Variants in GALNT13 observed in about 807,000 individuals in gnomAD.
The protein encoded by GALNT13 is polypeptide N-acetylgalactosaminyltransferase 13.
A neutral mutation model predicts 64.2 loss-of-function variants in GALNT13; 28 were observed. The observed-to-expected ratio is 0.44, with a 90% CI of 0.32 to 0.60. GALNT13 has a LOEUF of 0.60. GALNT13 is among the 20% of genes least tolerant of loss of function. GALNT13 has a pLI of 0.05. For synonymous variants in GALNT13, 214 were observed against 224.6 expected, an observed-to-expected ratio of 0.95 and a Z score of 0.42; for missense variants, 577 against 669.8, an observed-to-expected ratio of 0.86 and a Z score of 1.53.
At chr2:154,116,505 A>T (rs1262725871) in intron 3 of GALNT13, among the ~76,000 whole-genome samples, 1 of 152,202 alleles carries the variant, frequency 6.6e-6, no homozygotes, top group Non-Finnish European at 1.5e-5. Flanking sequence ...GCAATCCCTG[A>T]GTTCATAATT....
chr2:153,078,403 C>G, the GALNT13 span, among the ~76,000 whole-genome samples: 1 of 149,802 alleles, frequency 6.7e-6, no homozygotes, highest in Non-Finnish European at 1.5e-5. Flanking sequence ...CGTCTGCCTT[C>G]TGGGTTCAAG....
At chr2:153,070,460 A>G in the GALNT13 span, among the ~76,000 whole-genome samples, 284 of 152,322 alleles carry the variant, frequency 1.9e-3, 2 homozygotes, top group African/African-American at 6.2e-3. Context: ...AATGTAAAAT[A>G]TGGATTTTGG....
the GALNT13 span, among the ~76,000 whole-genome samples, chr2:153,678,692 A>G: frequency 6.6e-6 from 1 of 151,882 alleles, no homozygotes; most frequent in Non-Finnish European, 1.5e-5. Flanking sequence ...AAGGGGGGAA[A>G]AAAAGTAGGA....
intron 3 of GALNT13, among the ~76,000 whole-genome samples, chr2:154,008,724 G>A (rs1025700945): frequency 2.6e-5 from 4 of 152,060 alleles, no homozygotes; most frequent in African/African-American, 9.7e-5. Context: ...TAGGATAATG[G>A]CCTCTAGTTC....
In GALNT13 at chr2:154,090,775, G is replaced by A. The variant is rs183925346; in HGVS notation, c.143-49562G>A. Among the ~76,000 whole-genome samples the A allele has an allele frequency of 4.6e-5, 7 of 151,892 alleles. No homozygotes were observed. The East Asian group carries it at 1.2e-3, about 25-fold the overall frequency. On this transcript the variant is annotated intron_variant, in intron 3 of 12. Coordinates refer to ENST00000392825, the MANE Select transcript of GALNT13 (RefSeq NM_052917.4). ...AGTTTTTCCCATGCCACACAAACATGTATGTCACAAATATTTATATATTTG... is the reference window on the plus strand; with the variant it reads ...AGTTTTTCCCATGCCACACAAACATATATGTCACAAATATTTATATATTTG...
At chr2:153,541,559 A>G in the GALNT13 span, among the ~76,000 whole-genome samples, 1 of 152,124 alleles carries the variant, frequency 6.6e-6, no homozygotes, top group Non-Finnish European at 1.5e-5. Context: ...TACAATTATT[A>G]CTCTAACCTT....
At chr2:153,164,342 C>G in the GALNT13 span, among the ~76,000 whole-genome samples, 2 of 152,216 alleles carry the variant, frequency 1.3e-5, no homozygotes, top group Non-Finnish European at 2.9e-5. Flanking sequence ...GTGAGAACAT[C>G]TCATGTACAC....
the GALNT13 span, among the ~76,000 whole-genome samples, chr2:153,459,239 T>A: frequency 1.3e-4 from 19 of 151,392 alleles, no homozygotes; most frequent in Non-Finnish European, 2.7e-4. Context: ...AACAAAAAAA[T>A]TAAGGATAGA....
At chr2:153,419,976 C>A in the GALNT13 span, among the ~76,000 whole-genome samples, 1 of 151,706 alleles carries the variant, frequency 6.6e-6, no homozygotes, top group African/African-American at 2.4e-5. Context: ...CATAAAGACA[C>A]AAAATTATGA....
the GALNT13 span, among the ~76,000 whole-genome samples, chr2:153,476,082 TA>T: frequency 1.3e-5 from 2 of 152,184 alleles, no homozygotes; most frequent in South Asian, 4.1e-4. Context: ...CTTACCTGTT[TA>T]AAAGACAGGA....
chr2:153,378,934 G>T, the GALNT13 span, among the ~76,000 whole-genome samples: 4 of 152,184 alleles, frequency 2.6e-5, no homozygotes, highest in East Asian at 1.9e-4. Flanking sequence ...ATCTTTCAGA[G>T]ATTTTTTTGG....
At chr2:153,426,270 G>GA in the GALNT13 span, among the ~76,000 whole-genome samples, 1 of 151,752 alleles carries the variant, frequency 6.6e-6, no homozygotes, top group South Asian at 2.1e-4. Context: ...TATGTGTCTT[G>GA]AAAACACATA....
At chr2:153,478,238 A>C in the GALNT13 span, 1 of 1,609,982 alleles carries the variant, frequency 6.2e-7, no homozygotes, top group Non-Finnish European at 8.5e-7. Context: ...AGGGCGGGTC[A>C]GTAGGGCCCC....
At chr2:153,750,501 T>A in the GALNT13 span, among the ~76,000 whole-genome samples, 2 of 151,880 alleles carry the variant, frequency 1.3e-5, no homozygotes, top group East Asian at 1.9e-4. Flanking sequence ...ATATTGTTAC[T>A]TGTTATTGGT....
At chr2:153,141,982 C>T in the GALNT13 span, among the ~76,000 whole-genome samples, 3 of 151,920 alleles carry the variant, frequency 2.0e-5, no homozygotes, top group African/African-American at 7.3e-5. Flanking sequence ...AATAAGCTTC[C>T]AGATGATGGA....
the GALNT13 span, among the ~76,000 whole-genome samples, chr2:153,566,348 G>GTTTTTTTGTTTTTTTTTTTT: frequency 5.3e-5 from 4 of 74,828 alleles, no homozygotes; most frequent in African/African-American, 1.9e-4. Flanking sequence ...TTCTAATCAC[G>GTTTTTTTGTTTTTTTTTTTT]TTTTTTTTTT....
chr2:153,271,671 C>T, the GALNT13 span, among the ~76,000 whole-genome samples: 9 of 152,108 alleles, frequency 5.9e-5, no homozygotes, highest in Non-Finnish European at 8.8e-5. Flanking sequence ...GAATCAATAT[C>T]GTGAAAATGG....
the GALNT13 span, among the ~76,000 whole-genome samples, chr2:153,633,739 A>G: frequency 3.3e-5 from 5 of 152,030 alleles, no homozygotes; most frequent in South Asian, 2.1e-4. Context: ...GAATTCCCCA[A>G]TCTTTGGAAC....
chr2:153,234,043 T>A, the GALNT13 span, among the ~76,000 whole-genome samples: 2 of 152,188 alleles, frequency 1.3e-5, no homozygotes, highest in Admixed American at 6.5e-5. Context: ...AGTCACATAA[T>A]TTAAGCCATG....
Sources: gnomAD v4.1 joint callset for allele counts (sites outside exome capture counted in the v4.1 genomes callset) on GRCh38, gnomAD v4.1.1 for gene constraint, MANE v1.5 for transcripts, NCBI Gene and HGNC (gene_info 2026-07-23, HGNC 2026-07-21) for gene names.